Variants in DST observed in about 807,000 individuals in gnomAD.
DST encodes dystonin, also known as bullous pemphigoid antigen.
DST carries 253 observed loss-of-function variants against 875.2 expected under a neutral mutation model. That is an observed-to-expected ratio of 0.29 (90% CI 0.26 to 0.32). DST has a LOEUF of 0.32. Among genes scored for constraint, DST ranks in the 10% least tolerant of loss-of-function variants. The pLI, the probability that DST is intolerant of heterozygous loss-of-function variation, is 1.00. For synonymous variants in DST, 3,124 were observed against 3,197.1 expected (o/e 0.98, Z 0.77); for missense variants, 8,287 against 9,111.6 (o/e 0.91, Z 3.68).
chr6:56,740,554 C>T (rs1302394623), intron 4 of DST, among the ~76,000 whole-genome samples: 3 of 152,200 alleles, frequency 2.0e-5, no homozygotes, highest in Admixed American at 6.5e-5. Context: ...AATCATTTAA[C>T]ATTGAAAGAG....
At chr6:56,533,027 C>T (rs528148127) in intron 63 of DST, among the ~76,000 whole-genome samples, 8 of 152,266 alleles carry the variant, frequency 5.3e-5, no homozygotes, top group Non-Finnish European at 1.2e-4. Flanking sequence ...ACGAGAGGCT[C>T]TTGGCTCCTT....
intron 84 of DST, 135 bp downstream of exon 84, chr6:56,492,799 G>A: frequency 1.4e-6 from 1 of 738,190 alleles, no homozygotes; most frequent in Non-Finnish European, 2.1e-6. Flanking sequence ...CTTGAACCGG[G>A]AGGCAGAGGT....
At chr6:56,509,109 T>G (rs1333375911) in intron 74 of DST, among the ~76,000 whole-genome samples, 1 of 152,134 alleles carries the variant, frequency 6.6e-6, no homozygotes, top group South Asian at 2.1e-4. Flanking sequence ...AAGAGTAAAA[T>G]TGTCCGTTCA....
intron 69 of DST, among the ~76,000 whole-genome samples, chr6:56,523,762 T>C (rs1206443555): frequency 6.6e-6 from 1 of 152,164 alleles, no homozygotes; most frequent in Non-Finnish European, 1.5e-5. Context: ...ATTAAATCTA[T>C]AAATTTTAAA....
chr6:56,563,661 T>G (rs1220014025), intron 55 of DST, among the ~76,000 whole-genome samples: 1 of 152,240 alleles, frequency 6.6e-6, no homozygotes, highest in African/African-American at 2.4e-5. Context: ...CCCATGCCTA[T>G]GTCCTGAATG....
At chr6:56,617,444 A>G in intron 36 of DST, 1 of 1,555,324 alleles carries the variant, frequency 6.4e-7, no homozygotes, top group South Asian at 1.1e-5. Context: ...ATAAAATGTT[A>G]AAAGTCACCT....
intron 2 of DST, among the ~76,000 whole-genome samples, chr6:56,919,284 T>C (rs976690112): frequency 1.3e-5 from 2 of 152,156 alleles, no homozygotes; most frequent in Non-Finnish European, 2.9e-5. Flanking sequence ...TTATAAAACA[T>C]TCTCCTATAC....
At chr6:56,809,153 G>A (rs2099756811) in intron 4 of DST, among the ~76,000 whole-genome samples, 1 of 152,110 alleles carries the variant, frequency 6.6e-6, no homozygotes, top group Non-Finnish European at 1.5e-5. Flanking sequence ...CTTCTGCCCT[G>A]TGATCTGCTT....
At chr6:56,649,633 C>G (rs538447063) in intron 12 of DST, among the ~76,000 whole-genome samples, 2 of 152,168 alleles carry the variant, frequency 1.3e-5, no homozygotes, top group Admixed American at 1.3e-4. Context: ...CCAAGTGAGT[C>G]AGGACATTGA....
chr6:56,636,034 A>G (rs1175673167), intron 23 of DST, among the ~76,000 whole-genome samples: 1 of 152,196 alleles, frequency 6.6e-6, no homozygotes, highest in African/African-American at 2.4e-5. Context: ...AAAAACTTCT[A>G]TGGTTTTAGA....
At chr6:56,657,655 A>G (rs2099016402) in intron 10 of DST, among the ~76,000 whole-genome samples, 1 of 152,236 alleles carries the variant, frequency 6.6e-6, no homozygotes, top group Non-Finnish European at 1.5e-5. Flanking sequence ...CTGGAGATGG[A>G]TGGCGGTGAT....
intron 45 of DST, among the ~76,000 whole-genome samples, chr6:56,599,699 G>C (rs2098425249): frequency 6.6e-6 from 1 of 152,012 alleles, no homozygotes; most frequent in South Asian, 2.1e-4. Flanking sequence ...GAGTAAGAAG[G>C]AGCTAAGAAA....
chr6:56,493,992 A>G lies in DST; in HGVS notation c.20394+18T>C. 3 of 1,539,140 alleles carry G rather than the reference A, an allele frequency of 1.9e-6. No homozygotes were observed. The highest frequency in any genetic ancestry group is 1.8e-6 in the Non-Finnish European group (2 of 1,140,076). ...ACAACTAAAACACTGATTCTATTATATTAATCAAAGCACATACTTTCCTTT... is the reference window on the plus strand; with the variant it reads ...ACAACTAAAACACTGATTCTATTATGTTAATCAAAGCACATACTTTCCTTT... On this transcript the variant is annotated intron_variant, in intron 83 of 103. Coordinates refer to ENST00000680361, the MANE Select transcript of DST (RefSeq NM_001374736.1).
chr6:56,700,070 T>C lies in DST; in HGVS notation c.955-325A>G, dbSNP rs189564514. ...GCCCAGGAAGCATTACCACCTGAGC[T>C]CCACCTCCTGTCAGATCAGCCACTG... On this transcript the variant is annotated intron_variant, in intron 8 of 103. Transcript: ENST00000680361. 6.4e-4 allele frequency among the ~76,000 whole-genome samples: 98 copies of C among 152,322 alleles called. No homozygotes were observed. The East Asian group carries it at 0.018, about 28-fold the overall frequency.
chr6:56,585,334 T>C (rs1457040473), intron 49 of DST, among the ~76,000 whole-genome samples: 2 of 152,214 alleles, frequency 1.3e-5, no homozygotes, highest in African/African-American at 4.8e-5. Context: ...AGAGTGTATG[T>C]GTCGAGGAAT....
chr6:56,920,701 C>T (rs929956988), intron 2 of DST, among the ~76,000 whole-genome samples: 36 of 149,056 alleles, frequency 2.4e-4, no homozygotes, highest in Admixed American at 7.4e-4. Flanking sequence ...CCATCAACAG[C>T]GGTTTTTCTT....
intron 48 of DST, 80 bp downstream of exon 48, chr6:56,593,583 C>T: frequency 8.8e-6 from 10 of 1,139,648 alleles, no homozygotes; most frequent in South Asian, 2.5e-5. Flanking sequence ...TTTTAGGTTT[C>T]TTGCCTCTTG....
At chr6:56,847,170 A>G (rs1038928445) in intron 4 of DST, among the ~76,000 whole-genome samples, 14 of 152,196 alleles carry the variant, frequency 9.2e-5, no homozygotes, top group South Asian at 6.2e-4. Flanking sequence ...AAAATTTTTA[A>G]TAAGCCAAGC....
Position 56,715,707 on chromosome 6 carries a change from T to C in DST, c.688-11338A>G, listed in dbSNP as rs1053074399. On this transcript the variant is annotated intron_variant, in intron 5 of 103. Transcript: ENST00000680361. ...CAGACAGACTTTTCATCTATTCTTC[T>C]CAGGGCAGCTCAGAGAGATTACCTA... 2.6e-5 allele frequency among the ~76,000 whole-genome samples: 4 copies of C among 152,290 alleles called. 1 individual carries two copies. The East Asian group carries it at 7.7e-4, about 29-fold the overall frequency.
Sources: gnomAD v4.1 joint callset for allele counts (sites outside exome capture counted in the v4.1 genomes callset) on GRCh38, gnomAD v4.1.1 for gene constraint, MANE v1.5 for transcripts, NCBI Gene and HGNC (gene_info 2026-07-23, HGNC 2026-07-21) for gene names.